The following AP3B1 variants were observed in gnomAD, a reference collection of about 807,000 sequenced individuals.
AP3B1 encodes the protein AP-3 complex subunit beta-1.
Under a neutral mutation model 132.5 loss-of-function variants are expected in AP3B1, and 61 were observed. The ratio of observed to expected loss-of-function variants is 0.46; its 90% CI spans 0.37 to 0.57. The LOEUF is 0.57. AP3B1 is among the 20% of genes least tolerant of loss of function. The probability of loss-of-function intolerance (pLI) is 0.00; values close to 1 mark genes in which losing one functional copy is unlikely to be tolerated. For missense variants in AP3B1, 1,120 were observed against 1,289.4 expected (o/e 0.87, Z 2.01); for synonymous variants, 388 against 438.3 (o/e 0.89, Z 1.43).
intron 1 of AP3B1, among the ~76,000 whole-genome samples, chr5:78,274,947 A>G (rs539630108): frequency 2.2e-4 from 33 of 152,016 alleles, no homozygotes; most frequent in Non-Finnish European, 4.7e-4. Flanking sequence ...CCAGAAAATT[A>G]CCTTGAGACA....
intron 23 of AP3B1, among the ~76,000 whole-genome samples, 160 bp from the exon 24 acceptor site, chr5:78,034,605 G>C (rs1490285212): frequency 1.3e-5 from 2 of 151,908 alleles, no homozygotes; most frequent in East Asian, 3.8e-4. Flanking sequence ...AAATTACAAA[G>C]TAACCTAACT....
At position 78,214,530 on chromosome 5, in the gene AP3B1, T is replaced by G. The variant is rs571058782; in HGVS notation, c.786+1525A>C. ...ATTTGCATATAGTTACTGAAAATGATAGGAAAGTAAAATTTAAAAATTTAA... is the reference window on the plus strand; with the variant it reads ...ATTTGCATATAGTTACTGAAAATGAGAGGAAAGTAAAATTTAAAAATTTAA... On this transcript the variant is annotated intron_variant, in intron 7 of 26. Coordinates refer to ENST00000255194, the MANE Select transcript of AP3B1 (RefSeq NM_003664.5). 2.3e-3 allele frequency among the ~76,000 whole-genome samples: 348 copies of G among 152,208 alleles called. 3 individuals carry two copies. Among genetic ancestry groups the G allele is most frequent in the Middle Eastern group, 0.01 (3 of 294 alleles).
intron 11 of AP3B1, among the ~76,000 whole-genome samples, chr5:78,174,342 G>GA (rs1187586530): frequency 1.3e-5 from 2 of 152,170 alleles, no homozygotes; most frequent in African/African-American, 4.8e-5. Flanking sequence ...TTTGGTCTTT[G>GA]ATGTTGGTGA....
At chr5:78,167,538 C>G (rs143566880) in intron 11 of AP3B1, among the ~76,000 whole-genome samples, 59 of 152,206 alleles carry the variant, frequency 3.9e-4, no homozygotes, top group Admixed American at 3.8e-3. Context: ...TACTTGCACA[C>G]ACGTTTATAG....
At chr5:78,143,956 G>T (rs1389231086) in intron 14 of AP3B1, among the ~76,000 whole-genome samples, 1 of 152,028 alleles carries the variant, frequency 6.6e-6, no homozygotes, top group Non-Finnish European at 1.5e-5. Context: ...AGTGAGCTAA[G>T]ATTGTGCCAC....
intron 7 of AP3B1, 149 bp downstream of exon 7, chr5:78,215,906 C>A: frequency 2.9e-6 from 2 of 701,520 alleles, no homozygotes; most frequent in South Asian, 1.8e-5. Flanking sequence ...ATATTGGTTG[C>A]CTGCTTTAGT....
intron 21 of AP3B1, among the ~76,000 whole-genome samples, chr5:78,098,341 T>C (rs1239024383): frequency 2.6e-5 from 4 of 151,548 alleles, no homozygotes; most frequent in African/African-American, 4.8e-5. Flanking sequence ...TATAAAAATA[T>C]ACTTTTTTAT....
In AP3B1 at chr5:78,092,474, C is replaced by T. The variant is rs189615655; in HGVS notation, c.2471-2975G>A. On this transcript the variant is annotated intron_variant, in intron 21 of 26. Coordinates refer to ENST00000255194, the MANE Select transcript of AP3B1 (RefSeq NM_003664.5). Reference sequence around the variant, plus strand: ...TTAGTAATGTGTAAAAACAAAGTGACTCTATGGGGTTTTTAAAAAAAATGT... The same window carrying T: ...TTAGTAATGTGTAAAAACAAAGTGATTCTATGGGGTTTTTAAAAAAAATGT... Among the ~76,000 whole-genome samples, 87 of 152,194 alleles carry T rather than the reference C, an allele frequency of 5.7e-4. 3 individuals are homozygous for T. In the South Asian group the frequency reaches 0.011, roughly 19 times the overall value.
chr5:78,172,333 AC>A (rs1261597050), intron 11 of AP3B1, among the ~76,000 whole-genome samples: 2 of 152,114 alleles, frequency 1.3e-5, no homozygotes, highest in Admixed American at 6.6e-5. Context: ...TCCTCTTTGT[AC>A]CTCTGGTAGA....
intron 18 of AP3B1, among the ~76,000 whole-genome samples, chr5:78,114,927 T>A (rs1751760797): frequency 6.6e-6 from 1 of 152,148 alleles, no homozygotes; most frequent in Admixed American, 6.6e-5. Flanking sequence ...CTTCTCTGGG[T>A]TTTGGTTTCC....
At chr5:78,284,677 T>C (rs1749196596) in intron 1 of AP3B1, among the ~76,000 whole-genome samples, 1 of 152,184 alleles carries the variant, frequency 6.6e-6, no homozygotes, top group Non-Finnish European at 1.5e-5. Flanking sequence ...GGCTAAAAGA[T>C]ATATACTACA....
chr5:78,026,348 A>G (rs1200898020), intron 24 of AP3B1, among the ~76,000 whole-genome samples: 1 of 152,210 alleles, frequency 6.6e-6, no homozygotes, highest in Non-Finnish European at 1.5e-5. Context: ...CTTGTAGTAC[A>G]TGTAACCTCA....
chr5:78,213,991 T>C (rs1745859043), intron 7 of AP3B1, among the ~76,000 whole-genome samples: 1 of 152,196 alleles, frequency 6.6e-6, no homozygotes, highest in African/African-American at 2.4e-5. Flanking sequence ...AGCTGCACAG[T>C]CTAGAGCACC....
chr5:78,262,880 G>C (rs1748155785), intron 2 of AP3B1, among the ~76,000 whole-genome samples: 1 of 151,956 alleles, frequency 6.6e-6, no homozygotes, highest in Non-Finnish European at 1.5e-5. Flanking sequence ...ATGTAGTCTA[G>C]GCTGGTCTAA....
chr5:78,202,552 A>AGTGTGTGTGAGTGTGT (rs1554075460), intron 7 of AP3B1, among the ~76,000 whole-genome samples: 1 of 146,056 alleles, frequency 6.8e-6, no homozygotes, highest in African/African-American at 2.5e-5. Flanking sequence ...CCATATATTC[A>AGTGTGTGTGAGTGTGT]GTGTGTGTGT....
chr5:78,126,148 G>T (rs1561425420), intron 17 of AP3B1, among the ~76,000 whole-genome samples: 1 of 151,030 alleles, frequency 6.6e-6, no homozygotes, highest in African/African-American at 2.4e-5. Context: ...AGGAGAGAAA[G>T]TATGTCCGTA....
intron 21 of AP3B1, among the ~76,000 whole-genome samples, chr5:78,099,920 G>T (rs1217974251): frequency 1.3e-5 from 2 of 151,958 alleles, no homozygotes; most frequent in African/African-American, 4.8e-5. Flanking sequence ...AGGTGAAAGG[G>T]TATGTGCAAT....
In AP3B1 at chr5:78,144,426, G is replaced by T. The variant is rs76216117; in HGVS notation, c.1474-3107C>A. Reference sequence around the variant, plus strand: ...ACTCTGTAAGCAGTTCAATTTAAAAGCTATTGTGTTTCAACACCAGCCCAC... The same window carrying T: ...ACTCTGTAAGCAGTTCAATTTAAAATCTATTGTGTTTCAACACCAGCCCAC... On this transcript the variant is annotated intron_variant, in intron 14 of 26. Coordinates refer to ENST00000255194, the MANE Select transcript of AP3B1 (RefSeq NM_003664.5). Among the ~76,000 whole-genome samples the T allele has an allele frequency of 8.7e-3, 1,332 of 152,274 alleles. 19 individuals are homozygous for T. Among genetic ancestry groups the T allele is most frequent in the African/African-American group, 0.03 (1,266 of 41,560 alleles).
chr5:78,254,012 G>C (rs1747750895), intron 2 of AP3B1, among the ~76,000 whole-genome samples: 1 of 150,508 alleles, frequency 6.6e-6, no homozygotes, highest in African/African-American at 2.4e-5. Flanking sequence ...GATTGAAACA[G>C]TTAAAAAGAA....
Sources: gnomAD v4.1 joint callset for allele counts (sites outside exome capture counted in the v4.1 genomes callset) on GRCh38, gnomAD v4.1.1 for gene constraint, MANE v1.5 for transcripts, NCBI Gene and HGNC (gene_info 2026-07-23, HGNC 2026-07-21) for gene names.